CNIH3: variants seen among roughly 807,000 people sequenced by gnomAD.
The protein encoded by CNIH3 is cornichon family AMPA receptor auxiliary protein 3.
Under a neutral mutation model 24.1 loss-of-function variants are expected in CNIH3, and 14 were observed. That is an observed-to-expected ratio of 0.58 (90% confidence interval 0.38 to 0.91). The LOEUF is 0.91. CNIH3 is among the 40% of genes least tolerant of loss of function. The pLI is 0.00. For missense variants in CNIH3, 178 were observed against 196.8 expected, an observed-to-expected ratio of 0.90 and a Z score of 0.57; for synonymous variants, 68 against 73.8, an observed-to-expected ratio of 0.92 and a Z score of 0.40.
Position 224,730,463 on chromosome 1 carries a change from T to C in CNIH3, c.200T>C (p.Leu67Pro). ...IERICFLLRK[L>P]VLPEYSIHSL... ...GCCGTGTCTCTGCTCCCTCTTCAGC[T>C]GGTGCTGCCAGAATACTCCATCCAT... The change falls in exon 4 of 6, where the codon CTG (leucine) becomes CCG (proline). Residue 67 changes from leucine to proline, a missense_variant and splice_region_variant. Leu to Pro is a moderately conservative substitution (Grantham distance 98). Transcript: ENST00000272133. 1 of 1,551,792 alleles carries C rather than the reference T, an allele frequency of 6.4e-7. No homozygotes were observed. Among genetic ancestry groups the C allele is most frequent in the Non-Finnish European group, 8.7e-7 (1 of 1,145,360 alleles).
downstream of CNIH3, among the ~76,000 whole-genome samples, chr1:224,541,439 A>G (rs370964080): frequency 2.1e-4 from 32 of 152,336 alleles, no homozygotes; most frequent in African/African-American, 7.5e-4. Flanking sequence ...ACAAAATGGG[A>G]CATTTTCTTC....
Position 224,633,809 on chromosome 1 carries a change from A to G in CNIH3, c.81+16554A>G, listed in dbSNP as rs1049206086. On this transcript the variant is annotated intron_variant, in intron 1 of 5. Coordinates refer to ENST00000272133, the MANE Select transcript of CNIH3 (RefSeq NM_152495.2). ...TCAGACTGGTGTGGAAGTGTGGCATAAATGTGGGTGACCAAAAAATGCCAG... is the reference window on the plus strand; with the variant it reads ...TCAGACTGGTGTGGAAGTGTGGCATGAATGTGGGTGACCAAAAAATGCCAG... Among the ~76,000 whole-genome samples, 71 of 152,328 alleles carry G rather than the reference A, an allele frequency of 4.7e-4. No individual in the cohort carries two copies. In the Middle Eastern group the frequency reaches 0.014, roughly 29 times the overall value.
intron 2 of CNIH3, among the ~76,000 whole-genome samples, chr1:224,543,439 A>G (rs1436346034): frequency 1.3e-5 from 2 of 152,182 alleles, no homozygotes; most frequent in Non-Finnish European, 2.9e-5. Context: ...TGAGGGGGCC[A>G]TGAAAATCTT....
chr1:224,602,993 A>G (rs75113143), intron 3 of CNIH3, among the ~76,000 whole-genome samples: 1 of 151,152 alleles, frequency 6.6e-6, no homozygotes, highest in African/African-American at 2.5e-5. Flanking sequence ...AAAGCAACAC[A>G]AAACCACAGA....
At chr1:224,664,862 G>A (rs1685521718) in intron 1 of CNIH3, 1 of 152,136 alleles carries the variant, frequency 6.6e-6, no homozygotes, top group African/African-American at 2.4e-5. Context: ...AGCCTCTTGA[G>A]TAGCTAGGAC....
chr1:224,525,293 G>A (rs1678802007), intron 2 of CNIH3, among the ~76,000 whole-genome samples: 1 of 152,236 alleles, frequency 6.6e-6, no homozygotes, highest in African/African-American at 2.4e-5. Context: ...TAAATGAAAG[G>A]AGAGTGGCTT....
At chr1:224,690,550 T>C (rs981119033) in intron 3 of CNIH3, among the ~76,000 whole-genome samples, 1 of 152,182 alleles carries the variant, frequency 6.6e-6, no homozygotes, top group African/African-American at 2.4e-5. Context: ...TTGAGTTAGA[T>C]TGAGGCTGCC....
chr1:224,710,549 G>A lies in CNIH3; in HGVS notation c.199-19913G>A, dbSNP rs145566245. On this transcript the variant is annotated intron_variant, in intron 3 of 5. Transcript: ENST00000272133. ...AAGTGACCACTAAAGGACTTGGCATGGCTCCTAAGGTACTCTGTGACTTCC... is the reference window on the plus strand; with the variant it reads ...AAGTGACCACTAAAGGACTTGGCATAGCTCCTAAGGTACTCTGTGACTTCC... Among the ~76,000 whole-genome samples the A allele has an allele frequency of 5.2e-3, 789 of 152,308 alleles. 8 individuals are homozygous for A. The highest frequency in any genetic ancestry group is 0.018 in the African/African-American group (742 of 41,564).
At chr1:224,733,000 C>T (rs1393115191) in intron 4 of CNIH3, among the ~76,000 whole-genome samples, 1 of 152,056 alleles carries the variant, frequency 6.6e-6, no homozygotes, top group Non-Finnish European at 1.5e-5. Flanking sequence ...AGCCCTTGTA[C>T]ACCCTTTATC....
At chr1:224,510,937 G>A (rs1273610834), upstream of CNIH3, among the ~76,000 whole-genome samples, 1 of 152,206 alleles carries the variant, frequency 6.6e-6, no homozygotes, top group Non-Finnish European at 1.5e-5. Context: ...TCCACCACAG[G>A]CCAGCACTGA....
chr1:224,567,796 A>T (rs371445134), intron 4 of CNIH3, among the ~76,000 whole-genome samples: 1 of 152,192 alleles, frequency 6.6e-6, no homozygotes, highest in East Asian at 1.9e-4. Flanking sequence ...AGGACGAAAC[A>T]GTTGTAGATG....
At chr1:224,615,542 T>C (rs150422865), upstream of CNIH3, 5 of 152,148 alleles carry the variant, frequency 3.3e-5, no homozygotes, top group African/African-American at 1.2e-4. Context: ...TCTACTCTTA[T>C]TTATGTTTTT....
chr1:224,689,025 C>G (rs983191160), intron 3 of CNIH3, among the ~76,000 whole-genome samples: 3 of 152,072 alleles, frequency 2.0e-5, no homozygotes, highest in Non-Finnish European at 4.4e-5. Flanking sequence ...TTTCTTCAGT[C>G]CGATTTTCTT....
intron 4 of CNIH3, chr1:224,574,516 T>A (rs535380309): frequency 1.2e-5 from 8 of 691,488 alleles, no homozygotes; most frequent in African/African-American, 1.7e-5. Flanking sequence ...CCAGGCCAGG[T>A]AACTGAGGCT....
intron 1 of CNIH3, among the ~76,000 whole-genome samples, chr1:224,679,716 A>C (rs1175828660): frequency 6.6e-6 from 1 of 152,252 alleles, no homozygotes; most frequent in African/African-American, 2.4e-5. Context: ...TGACTGCTTT[A>C]AAATTCTACT....
At chr1:224,489,941 T>G (rs1295063376) in intron 1 of CNIH3, among the ~76,000 whole-genome samples, 1 of 152,136 alleles carries the variant, frequency 6.6e-6, no homozygotes, top group Non-Finnish European at 1.5e-5. Context: ...AATTGCCTAA[T>G]CGTCACACTA....
chr1:224,734,518 G>A, intron 4 of CNIH3, 45 bp from the exon 5 acceptor site: 1 of 1,604,344 alleles, frequency 6.2e-7, no homozygotes, highest in Non-Finnish European at 8.5e-7. Flanking sequence ...GGTTACGCCA[G>A]AAGTACCAGG....
Position 224,491,237 on chromosome 1 carries a change from G to C in CNIH3, n.204-24504G>C, listed in dbSNP as rs1244256778. Reference sequence around the variant, plus strand: ...TGCTTCTATGAGGTTTCGTTTGTCTGAGACCCCTCCAAATTAGTCATTTTC... The same window carrying C: ...TGCTTCTATGAGGTTTCGTTTGTCTCAGACCCCTCCAAATTAGTCATTTTC... On this transcript the variant is annotated intron_variant and non_coding_transcript_variant, in intron 1 of 5. Coordinates refer to the CNIH3 transcript ENST00000471578. Among the ~76,000 whole-genome samples the C allele has an allele frequency of 2.0e-5, 3 of 152,196 alleles. 1 individual carries two copies. Among genetic ancestry groups the C allele is most frequent in the African/African-American group, 7.2e-5 (3 of 41,442 alleles).
At position 224,688,523 on chromosome 1, in the gene CNIH3, GC is replaced by G. The variant is rs200292401; in HGVS notation, c.198+3682del. On this transcript the variant is annotated intron_variant, in intron 3 of 5. Coordinates refer to ENST00000272133, the MANE Select transcript of CNIH3 (RefSeq NM_152495.2). ...TTACTAAGTAAGTGAGTGAATGAGTGCCAACTTTCTGGGACTTCTGTCATCT... is the reference window on the plus strand; with the variant it reads ...TTACTAAGTAAGTGAGTGAATGAGTGCAACTTTCTGGGACTTCTGTCATCT... 7.6e-4 allele frequency among the ~76,000 whole-genome samples: 115 copies of G among 152,300 alleles called. No individual in the cohort carries two copies. In the East Asian group the frequency reaches 0.02, roughly 27 times the overall value.
Sources: gnomAD v4.1 joint callset for allele counts (sites outside exome capture counted in the v4.1 genomes callset) on GRCh38, gnomAD v4.1.1 for gene constraint, MANE v1.5 for transcripts, NCBI Gene and HGNC (gene_info 2026-07-23, HGNC 2026-07-21) for gene names.